GALNT17: variants seen among roughly 807,000 people sequenced by gnomAD.
The protein encoded by GALNT17 is polypeptide N-acetylgalactosaminyltransferase 17, also known as UDP-GalNAc:polypeptide N-acetylgalactosaminyltransferase-like 3.
GALNT17 carries 29 observed loss-of-function variants against 63.7 expected under a neutral mutation model. The ratio of observed to expected loss-of-function variants is 0.46; its 90% CI spans 0.34 to 0.62. GALNT17 has a LOEUF of 0.62. GALNT17 is among the 20% of genes least tolerant of loss of function. GALNT17 has a pLI of 0.01. For synonymous variants in GALNT17, 305 were observed against 318.3 expected (o/e 0.96, Z 0.45); for missense variants, 603 against 799.6 (o/e 0.75, Z 2.97).
At chr7:71,629,620 T>G (rs1314059273) in intron 6 of GALNT17, among the ~76,000 whole-genome samples, 1 of 152,046 alleles carries the variant, frequency 6.6e-6, no homozygotes, top group Admixed American at 6.6e-5. Flanking sequence ...GCGGGGACTG[T>G]GGGCACTTGT....
At chr7:71,272,493 G>A (rs1323012737) in intron 1 of GALNT17, among the ~76,000 whole-genome samples, 2 of 152,154 alleles carry the variant, frequency 1.3e-5, no homozygotes, top group Non-Finnish European at 2.9e-5. Context: ...GTGACACTTG[G>A]TATTGTCAGG....
chr7:71,235,289 T>C (rs1258849931), intron 1 of GALNT17, among the ~76,000 whole-genome samples: 2 of 151,390 alleles, frequency 1.3e-5, no homozygotes, highest in Admixed American at 6.6e-5. Flanking sequence ...TCGTTTTAGG[T>C]GTTGCCCGTG....
At chr7:71,487,617 TAA>T (rs1487566539) in intron 5 of GALNT17, among the ~76,000 whole-genome samples, 1 of 151,796 alleles carries the variant, frequency 6.6e-6, no homozygotes, top group Non-Finnish European at 1.5e-5. Flanking sequence ...ATAAAAGAAT[TAA>T]AAATAAAAAT....
At chr7:71,329,551 C>T (rs757184952) in intron 1 of GALNT17, among the ~76,000 whole-genome samples, 6 of 151,982 alleles carry the variant, frequency 3.9e-5, no homozygotes, top group African/African-American at 7.3e-5. Context: ...CCCTCACTTC[C>T]GCAGGCTGTA....
chr7:71,188,113 C>G (rs1444586774), intron 1 of GALNT17, among the ~76,000 whole-genome samples: 1 of 152,190 alleles, frequency 6.6e-6, no homozygotes, highest in Non-Finnish European at 1.5e-5. Flanking sequence ...ACCACAGTCT[C>G]TTTATCCATT....
rs866222158 is a variant in GALNT17, at chr7:71,328,890, A to G, written c.239-6660A>G. Among the ~76,000 whole-genome samples, 40 of 152,112 alleles carry G rather than the reference A, an allele frequency of 2.6e-4. 1 individual carries two copies. The highest frequency in any genetic ancestry group is 2.2e-3 in the Admixed American group (33 of 15,276). ...TGTCTCCTTGGTGGGATATGCATGC[A>G]TGCTTAGTCTTAATTTCTATACTGT... On this transcript the variant is annotated intron_variant, in intron 1 of 10. Transcript: ENST00000333538.
intron 2 of GALNT17, among the ~76,000 whole-genome samples, chr7:71,355,685 A>G (rs12540683): frequency 0.15 from 23,136 of 151,566 alleles, 2,532 homozygotes; most frequent in African/African-American, 0.32. Flanking sequence ...GGCGTCTAAC[A>G]CTATGCCCAG....
At chr7:71,614,774 CAGAG>C (rs1554315798) in intron 6 of GALNT17, among the ~76,000 whole-genome samples, 5 of 149,026 alleles carry the variant, frequency 3.4e-5, no homozygotes, top group South Asian at 4.3e-4. Flanking sequence ...GAGAAAGAAA[CAGAG>C]AAAGAGAAAC....
intron 6 of GALNT17, among the ~76,000 whole-genome samples, chr7:71,582,535 C>T (rs543751690): frequency 1.3e-5 from 2 of 151,760 alleles, no homozygotes; most frequent in East Asian, 1.9e-4. Context: ...GAGCTGAGAT[C>T]GTGCCACTGC....
intron 1 of GALNT17, among the ~76,000 whole-genome samples, chr7:71,172,626 C>T (rs1057474841): frequency 2.6e-5 from 4 of 152,058 alleles, no homozygotes; most frequent in African/African-American, 4.8e-5. Flanking sequence ...CAGAAGACAC[C>T]GTAAGGACCA....
intron 5 of GALNT17, among the ~76,000 whole-genome samples, chr7:71,479,948 A>G (rs997941993): frequency 2.0e-5 from 3 of 152,126 alleles, no homozygotes; most frequent in African/African-American, 4.8e-5. Context: ...AATACATGCA[A>G]AAGGTTTTGC....
chr7:71,587,530 A>G, intron 6 of GALNT17, among the ~76,000 whole-genome samples: 1 of 152,024 alleles, frequency 6.6e-6, no homozygotes, highest in East Asian at 1.9e-4. Flanking sequence ...TTTCAGTGAT[A>G]TGTACTATGT....
chr7:71,606,909 A>G (rs978031705), intron 6 of GALNT17, among the ~76,000 whole-genome samples: 29 of 152,286 alleles, frequency 1.9e-4, no homozygotes, highest in African/African-American at 6.3e-4. Context: ...AATCTGAAAG[A>G]CAAGGGTAGT....
At chr7:71,221,908 A>ATTTTT (rs370780821) in intron 1 of GALNT17, among the ~76,000 whole-genome samples, 12 of 114,696 alleles carry the variant, frequency 1.0e-4, no homozygotes, top group South Asian at 7.2e-4. Context: ...CCTTATTTAG[A>ATTTTT]TTTTTTTTTT....
In GALNT17 at chr7:71,231,723, G is replaced by A. The variant is rs551541825; in HGVS notation, c.238+98683G>A. 6.4e-3 allele frequency among the ~76,000 whole-genome samples: 941 copies of A among 148,040 alleles called. 3 individuals carry two copies. Among genetic ancestry groups the A allele is most frequent in the Non-Finnish European group, 9.5e-3 (643 of 67,598 alleles). ...AGAGAAAAGAGAAGAGGGGAGTGGG[G>A]GAGGGAGAGAGAGAGGGAGGGAGAG... On this transcript the variant is annotated intron_variant, in intron 1 of 10. Transcript: ENST00000333538.
At chr7:71,563,062 T>G (rs908626786) in intron 5 of GALNT17, among the ~76,000 whole-genome samples, 1 of 152,252 alleles carries the variant, frequency 6.6e-6, no homozygotes, top group Non-Finnish European at 1.5e-5. Context: ...CAGTTGGAAC[T>G]GTTGTGTGTG....
chr7:71,434,055 TTTTGGACTC>T (rs1473168071), intron 5 of GALNT17, among the ~76,000 whole-genome samples: 2 of 152,142 alleles, frequency 1.3e-5, no homozygotes, highest in African/African-American at 4.8e-5. Context: ...TTTCTTCAGC[TTTTGGACTC>T]TTGGGCTTAC....
chr7:71,374,350 G>A, intron 2 of GALNT17, among the ~76,000 whole-genome samples: 1 of 152,306 alleles, frequency 6.6e-6, no homozygotes, highest in South Asian at 2.1e-4. Flanking sequence ...TAATGTATAG[G>A]CTGTACGGTT....
chr7:71,191,974 C>T (rs1788958772), intron 1 of GALNT17, among the ~76,000 whole-genome samples: 2 of 152,140 alleles, frequency 1.3e-5, no homozygotes, highest in Admixed American at 6.6e-5. Flanking sequence ...AGTATTGGCT[C>T]ATTCCCAAAA....
Sources: gnomAD v4.1 joint callset for allele counts (sites outside exome capture counted in the v4.1 genomes callset) on GRCh38, gnomAD v4.1.1 for gene constraint, MANE v1.5 for transcripts, NCBI Gene and HGNC (gene_info 2026-07-23, HGNC 2026-07-21) for gene names.